Variants in PRKD3 observed in about 807,000 individuals in gnomAD.
The protein encoded by PRKD3 is protein kinase D3, also known as serine/threonine-protein kinase D3.
In PRKD3, 47 loss-of-function variants were observed where a neutral mutation model predicts 99.2. The observed-to-expected ratio is 0.47, with a 90% CI of 0.38 to 0.60. The LOEUF (loss-of-function observed/expected upper bound fraction) is 0.60. Among genes scored for constraint, PRKD3 ranks in the 20% least tolerant of loss-of-function variants. The pLI, the probability that PRKD3 is intolerant of heterozygous loss-of-function variation, is 0.00. For missense variants in PRKD3, 1,019 were observed against 1,088.4 expected (o/e 0.94, Z 0.90); for synonymous variants, 392 against 355.4 (o/e 1.10, Z -1.16).
intron 2 of PRKD3, among the ~76,000 whole-genome samples, chr2:37,308,688 C>T (rs949465094): frequency 1.3e-5 from 2 of 152,186 alleles, no homozygotes; most frequent in Admixed American, 6.5e-5. Flanking sequence ...CTCCTGACCT[C>T]AGGTGATCCA....
intron 1 of PRKD3, chr2:37,324,161 G>T (rs986677756): frequency 1.0e-6 from 1 of 985,040 alleles, no homozygotes; most frequent in East Asian, 1.1e-4. Flanking sequence ...GGATACTGGG[G>T]CGAGGGGCTT....
At chr2:37,307,618 T>C (rs1164020463) in intron 2 of PRKD3, among the ~76,000 whole-genome samples, 2 of 152,208 alleles carry the variant, frequency 1.3e-5, no homozygotes, top group Non-Finnish European at 2.9e-5. Flanking sequence ...ATGTAAGACA[T>C]CTCTGAGGAT....
rs17020479 is a variant in PRKD3 at position 37,291,059 on chromosome 2, T to C, written c.428-60A>G. On this transcript the variant is annotated intron_variant, in intron 3 of 18. Transcript: ENST00000234179. ...ATTTGTACTGCGATGAGATTAAGAATGCTCACACATTCACTTATGTCAAAG... is the reference window on the plus strand; with the variant it reads ...ATTTGTACTGCGATGAGATTAAGAACGCTCACACATTCACTTATGTCAAAG... 6,386 of 1,400,854 alleles carry C rather than the reference T, an allele frequency of 4.6e-3. 248 individuals are homozygous for C. The African/African-American group carries it at 0.081, about 18-fold the overall frequency. The allele number at this position is 1,400,854 out of a possible 1,614,324, so 86.8% of individuals were successfully genotyped here.
At chr2:37,278,102 C>G in intron 8 of PRKD3, 113 bp from the exon 9 acceptor site, 3 of 803,630 alleles carry the variant, frequency 3.7e-6, no homozygotes, top group South Asian at 5.9e-5. Context: ...TTCAAAATAT[C>G]TTAGTAAAAT....
At chr2:37,258,383 A>T (rs1005920942) in intron 16 of PRKD3, among the ~76,000 whole-genome samples, 1 of 152,202 alleles carries the variant, frequency 6.6e-6, no homozygotes, top group Non-Finnish European at 1.5e-5. Flanking sequence ...TAAATGCCAG[A>T]TTTCAGCTAA....
chr2:37,256,526 T>C, intron 17 of PRKD3, 136 bp downstream of exon 17: 1 of 1,181,750 alleles, frequency 8.5e-7, no homozygotes, highest in Non-Finnish European at 1.1e-6. Context: ...GGTAACTAGT[T>C]GAATTTGGAA....
intron 2 of PRKD3, among the ~76,000 whole-genome samples, chr2:37,314,437 G>C (rs569157900): frequency 6.6e-6 from 1 of 152,214 alleles, no homozygotes; most frequent in East Asian, 1.9e-4. Context: ...GGTTCTCCAA[G>C]AATTTCACCC....
chr2:37,275,466 T>C (rs1669521781), intron 10 of PRKD3, among the ~76,000 whole-genome samples: 1 of 152,138 alleles, frequency 6.6e-6, no homozygotes, highest in Non-Finnish European at 1.5e-5. Context: ...TCAATGATGA[T>C]GGGACTTTCT....
In PRKD3 at chr2:37,272,433, C is replaced by G. The variant is rs778311136; in HGVS notation, c.1652-1G>C. ...ACAGAGATACTTGTAGACAAATCTTCTGTAAAATATAAAAAAGACAAAATT... is the reference window on the plus strand; with the variant it reads ...ACAGAGATACTTGTAGACAAATCTTGTGTAAAATATAAAAAAGACAAAATT... On this transcript the variant is annotated splice_acceptor_variant, in intron 11 of 18. Coordinates refer to ENST00000234179, the MANE Select transcript of PRKD3 (RefSeq NM_005813.6). LOFTEE classifies it high-confidence loss of function. 6.2e-7 allele frequency: 1 copy of G among 1,600,780 alleles called. No individual in the cohort carries two copies. Among genetic ancestry groups the G allele is most frequent in the East Asian group, 2.3e-5 (1 of 44,388 alleles).
At position 37,254,101 on chromosome 2, in the gene PRKD3, C is replaced by T. The variant is rs969705105; in HGVS notation, c.2499+103G>A. On this transcript the variant is annotated intron_variant, in intron 18 of 18. Transcript: ENST00000234179. The stretch of plus-strand genomic sequence containing the variant: ...AGTACAAATTAATCACTTAAGAGCA[C>T]TTTTATTATTCTGCTGATCTTAGAG... 3.6e-6 allele frequency: 3 copies of T among 839,034 alleles called. No individual in the cohort carries two copies. In the South Asian group the frequency reaches 4.4e-5, roughly 12 times the overall value. 52.0% of individuals were successfully genotyped at this position (839,034 alleles called of 1,614,324 possible). A position where few individuals can be genotyped will look rare whatever the true frequency, so the allele number is the denominator to read the frequency against.
chr2:37,309,498 T>G (rs1178510597), intron 2 of PRKD3, among the ~76,000 whole-genome samples: 1 of 152,208 alleles, frequency 6.6e-6, no homozygotes, highest in African/African-American at 2.4e-5. Flanking sequence ...GTTAAATCAG[T>G]TGACCTCAAA....
At chr2:37,301,897 T>G (rs769471759) in intron 2 of PRKD3, among the ~76,000 whole-genome samples, 1 of 152,228 alleles carries the variant, frequency 6.6e-6, no homozygotes, top group African/African-American at 2.4e-5. Flanking sequence ...TATATGACAA[T>G]GTCCTGAGAC....
At chr2:37,318,349 A>G (rs898231559) in intron 1 of PRKD3, among the ~76,000 whole-genome samples, 2 of 152,234 alleles carry the variant, frequency 1.3e-5, no homozygotes, top group African/African-American at 4.8e-5. Context: ...ACTTTACCTC[A>G]TAACTCTTTG....
intron 16 of PRKD3, 147 bp downstream of exon 16, chr2:37,259,436 A>C (rs1165248646): frequency 1.9e-6 from 1 of 532,304 alleles, no homozygotes; most frequent in Non-Finnish European, 3.4e-6. Context: ...TTAGTTATTA[A>C]TCCTCACTGG....
At position 37,282,590 on chromosome 2, in the gene PRKD3, C is replaced by T. The variant is rs746945127; in HGVS notation, c.940G>A (p.Ala314Thr). The change falls in exon 7 of 19, where the codon GCA becomes ACA. Residue 314 changes from alanine (A) to threonine (T), a missense_variant. Transcript: ENST00000234179. ...DCKFNCHKRCASKVPRDCLGE... is the reference protein window; with the variant it reads ...DCKFNCHKRCTSKVPRDCLGE... Reference sequence around the variant, plus strand: ...AGGCAGTCTCTTGGTACTTTTGATGCACAGCGTTTATGGCAGTTGAATTTG... The same window carrying T: ...AGGCAGTCTCTTGGTACTTTTGATGTACAGCGTTTATGGCAGTTGAATTTG... 1 of 1,603,504 alleles carries T rather than the reference C, an allele frequency of 6.2e-7. No individual in the cohort carries two copies. The highest frequency in any genetic ancestry group is 8.5e-7 in the Non-Finnish European group (1 of 1,170,526).
intron 17 of PRKD3, among the ~76,000 whole-genome samples, chr2:37,254,684 GTATTAAC>G (rs1353542353): frequency 1.3e-5 from 2 of 152,112 alleles, no homozygotes; most frequent in African/African-American, 2.4e-5. Context: ...TAAGTGCTAA[GTATTAAC>G]TATTATTATT....
intron 16 of PRKD3, among the ~76,000 whole-genome samples, chr2:37,258,654 C>T (rs1438773183): frequency 1.3e-5 from 2 of 152,094 alleles, no homozygotes; most frequent in Non-Finnish European, 2.9e-5. Context: ...AAACATTGCA[C>T]CAACTATCAG....
chr2:37,286,918 C>T (rs1670121166), intron 5 of PRKD3, among the ~76,000 whole-genome samples: 1 of 151,970 alleles, frequency 6.6e-6, no homozygotes, highest in South Asian at 2.1e-4. Flanking sequence ...TATTCCAGAA[C>T]CTAGCTAGTT....
At chr2:37,303,411 G>A (rs556706800) in intron 2 of PRKD3, among the ~76,000 whole-genome samples, 11 of 152,216 alleles carry the variant, frequency 7.2e-5, no homozygotes, top group South Asian at 6.2e-4. Flanking sequence ...GAGGCAAGGC[G>A]CCCACTGAGC....
Sources: allele counts gnomAD v4.1 joint callset (sites outside exome capture counted in the v4.1 genomes callset), GRCh38; gene constraint gnomAD v4.1.1; transcripts MANE v1.5; gene names NCBI Gene and HGNC (gene_info 2026-07-23, HGNC 2026-07-21).